Variants in PIK3R4 observed in about 807,000 individuals in gnomAD.
PIK3R4 encodes phosphoinositide 3-kinase regulatory subunit 4.
In PIK3R4, 46 loss-of-function variants were observed where a neutral mutation model predicts 136.5. That is an observed-to-expected ratio of 0.34 (90% CI 0.27 to 0.43). The LOEUF (loss-of-function observed/expected upper bound fraction) is 0.43. Ranked by LOEUF, PIK3R4 falls within the 20% of genes least tolerant of loss-of-function variation. The pLI is 1.00. For synonymous variants in PIK3R4, 557 were observed against 566.7 expected (o/e 0.98, Z 0.24); for missense variants, 1,331 against 1,649.5 (o/e 0.81, Z 3.35).
intron 13 of PIK3R4, among the ~76,000 whole-genome samples, chr3:130,700,051 T>A (rs887233450): frequency 6.6e-6 from 1 of 152,226 alleles, no homozygotes; most frequent in Non-Finnish European, 1.5e-5. Flanking sequence ...GAGGCCTACA[T>A]ATTCTTTTCA....
At chr3:130,715,069 G>A (rs894939081) in intron 9 of PIK3R4, among the ~76,000 whole-genome samples, 4 of 149,798 alleles carry the variant, frequency 2.7e-5, no homozygotes, top group African/African-American at 9.8e-5. Context: ...CACTGACAGT[G>A]TAAAAGTATT....
In PIK3R4 at chr3:130,707,101, A is replaced by T; in HGVS notation, c.2568T>A (p.Asn856Lys). The T allele has an allele frequency of 6.2e-7, 1 of 1,607,428 alleles. No homozygotes were observed. Among genetic ancestry groups the T allele is most frequent in the Non-Finnish European group, 8.5e-7 (1 of 1,177,500 alleles). Residue 856 changes from asparagine to lysine, a missense_variant, in exon 11 of 20, where the codon AAT becomes AAA. Coordinates refer to ENST00000356763, the MANE Select transcript of PIK3R4 (RefSeq NM_014602.3). The stretch of plus-strand genomic sequence containing the variant: ...ACCCAAACATGCTTTTCCATTCTTC[A>T]TTTACATTTGAGTCTTGTTTTACAT... ...RKHVKQDSNV[N>K]EEWKSMFGSL...
At chr3:130,740,296 T>C (rs1490511230) in intron 2 of PIK3R4, among the ~76,000 whole-genome samples, 1 of 152,168 alleles carries the variant, frequency 6.6e-6, no homozygotes, top group Non-Finnish European at 1.5e-5. Context: ...CTAAACAAGG[T>C]CCTGTCCTGA....
At chr3:130,726,390 C>T (rs1215843033) in intron 6 of PIK3R4, among the ~76,000 whole-genome samples, 1 of 151,930 alleles carries the variant, frequency 6.6e-6, no homozygotes, top group Non-Finnish European at 1.5e-5. Context: ...CATTCTATCC[C>T]CCAACAACCA....
At position 130,745,343 on chromosome 3, in the gene PIK3R4, C is replaced by A. The variant is rs984037099; in HGVS notation, c.-46-79G>T. The A allele has an allele frequency of 3.9e-6, 4 of 1,016,868 alleles. No individual in the cohort carries two copies. In the African/African-American group the frequency reaches 6.5e-5, roughly 17 times the overall value. 63.0% of individuals were successfully genotyped at this position (1,016,868 alleles called of 1,614,324 possible). A position where few individuals can be genotyped will look rare whatever the true frequency, so the allele number is the denominator to read the frequency against. On this transcript the variant is annotated intron_variant, in intron 1 of 19. Coordinates refer to ENST00000356763, the MANE Select transcript of PIK3R4 (RefSeq NM_014602.3). ...AAACACCATTATTCCATTATTTGGT[C>A]TCTTCCAAAAAGACAGATGCAGCAT...
At position 130,744,811 on chromosome 3, in the gene PIK3R4, C is replaced by G; in HGVS notation, c.408G>C (p.Val136=). 6.2e-7 allele frequency: 1 copy of G among 1,614,204 alleles called. No homozygotes were observed. The highest frequency in any genetic ancestry group is 8.5e-7 in the Non-Finnish European group (1 of 1,180,038). The change falls in exon 2 of 20, where the codon GTG becomes GTC. Residue 136 remains valine, a synonymous_variant. Coordinates refer to ENST00000356763, the MANE Select transcript of PIK3R4 (RefSeq NM_014602.3). The part of the protein sequence containing the change: ...RWIAFQILTA[V]DQAHKSGVRH... The stretch of plus-strand genomic sequence containing the variant: ...GAACTCCAGATTTGTGTGCTTGGTC[C>G]ACAGCTGTCAGGATCTGGAAAGCAA...
chr3:130,719,480 C>G (rs570771029), intron 7 of PIK3R4, among the ~76,000 whole-genome samples: 2 of 152,142 alleles, frequency 1.3e-5, no homozygotes, highest in Non-Finnish European at 2.9e-5. Flanking sequence ...AAATATCTAT[C>G]TCCCAAGGTC....
At chr3:130,736,985 A>G (rs1318848297) in intron 2 of PIK3R4, among the ~76,000 whole-genome samples, 1 of 152,238 alleles carries the variant, frequency 6.6e-6, no homozygotes, top group Non-Finnish European at 1.5e-5. Flanking sequence ...CACATTTCCA[A>G]AAGGACAACA....
intron 13 of PIK3R4, among the ~76,000 whole-genome samples, chr3:130,693,663 C>T (rs1011398301): frequency 7.9e-5 from 12 of 152,196 alleles, no homozygotes; most frequent in Middle Eastern, 3.4e-3. Context: ...GTTCTTTATA[C>T]ATTTTAAATA....
At chr3:130,712,789 AGG>A (rs2066639604) in intron 9 of PIK3R4, among the ~76,000 whole-genome samples, 1 of 152,198 alleles carries the variant, frequency 6.6e-6, no homozygotes, top group Non-Finnish European at 1.5e-5. Context: ...AAAGAAGTGA[AGG>A]TAGAGAAAAG....
At chr3:130,680,838 T>C in intron 18 of PIK3R4, 117 bp from the exon 19 acceptor site, 1 of 771,636 alleles carries the variant, frequency 1.3e-6, no homozygotes, top group Non-Finnish European at 2.1e-6. Context: ...GAGGTTTTCA[T>C]AGAACAGCAT....
At chr3:130,725,189 A>G (rs1026169959) in intron 6 of PIK3R4, among the ~76,000 whole-genome samples, 8 of 151,886 alleles carry the variant, frequency 5.3e-5, no homozygotes, top group African/African-American at 1.9e-4. Flanking sequence ...TCTGAAACTT[A>G]CCCTATCAGA....
In PIK3R4 at chr3:130,745,030, A is replaced by G. The variant is rs773883247; in HGVS notation, c.189T>C (p.Pro63=). Residue 63 remains proline (P), a synonymous_variant, in exon 2 of 20, where the codon CCT becomes CCC. Transcript: ENST00000356763. ...KVFAIQDPTL[P]LTSYKQELEE... is the part of the protein sequence containing the mutation. The stretch of plus-strand genomic sequence containing the variant: ...CCAGCTCTTGTTTATAGCTGGTTAA[A>G]GGCAATGTGGGATCCTGAATTGCAA... The G allele has an allele frequency of 3.0e-5, 49 of 1,613,634 alleles. No individual in the cohort carries two copies. The highest frequency in any genetic ancestry group is 4.2e-5 in the Non-Finnish European group (49 of 1,179,964).
chr3:130,728,283 C>T (rs2066743990), intron 6 of PIK3R4, among the ~76,000 whole-genome samples, 180 bp downstream of exon 6: 1 of 152,134 alleles, frequency 6.6e-6, no homozygotes. Context: ...GATATACCAA[C>T]CCTTTATTTT....
intron 4 of PIK3R4, among the ~76,000 whole-genome samples, chr3:130,732,809 C>T (rs1204104375): frequency 6.7e-6 from 1 of 149,174 alleles, no homozygotes; most frequent in African/African-American, 2.5e-5. Flanking sequence ...AAAAAAAAGA[C>T]AATATCATTA....
chr3:130,694,430 T>C (rs2066535761), intron 13 of PIK3R4, among the ~76,000 whole-genome samples: 3 of 152,178 alleles, frequency 2.0e-5, no homozygotes, highest in South Asian at 4.1e-4. Context: ...TTCTATTCAT[T>C]TGAGTCTTCT....
intron 9 of PIK3R4, among the ~76,000 whole-genome samples, chr3:130,709,764 A>C (rs2066624714): frequency 6.6e-6 from 1 of 152,198 alleles, no homozygotes; most frequent in African/African-American, 2.4e-5. Flanking sequence ...CAGTGAAAGA[A>C]GCCAGACACA....
At chr3:130,708,572 G>A (rs2066618082) in intron 9 of PIK3R4, 80 bp from the exon 10 acceptor site, 13 of 1,221,872 alleles carry the variant, frequency 1.1e-5, no homozygotes, top group Non-Finnish European at 1.5e-5. Flanking sequence ...AACAACTGAA[G>A]GGACAAATCA....
chr3:130,689,375 CAATA>C (rs1368705547), intron 14 of PIK3R4, among the ~76,000 whole-genome samples: 4 of 152,126 alleles, frequency 2.6e-5, no homozygotes, highest in African/African-American at 9.7e-5. Context: ...ACATGAAACT[CAATA>C]GATATGTTAC....
Sources: gnomAD v4.1 joint callset for allele counts (sites outside exome capture counted in the v4.1 genomes callset) on GRCh38, gnomAD v4.1.1 for gene constraint, MANE v1.5 for transcripts, NCBI Gene and HGNC (gene_info 2026-07-23, HGNC 2026-07-21) for gene names.